The following MROH7 variants were observed in gnomAD, a reference collection of about 807,000 sequenced individuals.
MROH7 encodes the protein maestro heat-like repeat-containing protein family member 7.
Under a neutral mutation model 129.2 loss-of-function variants are expected in MROH7, and 113 were observed. The observed-to-expected ratio is 0.87, with a 90% CI of 0.75 to 1.02. MROH7 has a LOEUF of 1.02. Among genes scored for constraint, MROH7 ranks in the 50% least tolerant of loss-of-function variants. The pLI is 0.00. For missense variants in MROH7, 1,601 were observed against 1,671.3 expected (o/e 0.96, Z 0.73); for synonymous variants, 655 against 667.9 (o/e 0.98, Z 0.30).
intron 21 of MROH7, among the ~76,000 whole-genome samples, chr1:54,704,084 C>T (rs1645488393): frequency 6.6e-6 from 1 of 152,178 alleles, no homozygotes; most frequent in African/African-American, 2.4e-5. Flanking sequence ...ACCAATCTAA[C>T]ATAAATATAC....
chr1:54,650,266 C>T (rs1195879956), intron 1 of MROH7, among the ~76,000 whole-genome samples: 1 of 152,150 alleles, frequency 6.6e-6, no homozygotes, highest in Non-Finnish European at 1.5e-5. Flanking sequence ...CATGTTCACC[C>T]ATACTAGCAA....
intron 13 of MROH7, among the ~76,000 whole-genome samples, chr1:54,680,339 G>T (rs976201731): frequency 6.6e-6 from 1 of 152,212 alleles, no homozygotes; most frequent in African/African-American, 2.4e-5. Flanking sequence ...ATAGAACGGA[G>T]GACCTAAACT....
In MROH7 at chr1:54,695,623, A is replaced by G. The variant is rs1001002458; in HGVS notation, c.2964+133A>G. 6.9e-6 allele frequency: 5 copies of G among 719,492 alleles called. No homozygotes were observed. In the East Asian group the frequency reaches 8.1e-5, roughly 12 times the overall value. 44.6% of individuals were successfully genotyped at this position (719,492 alleles called of 1,614,324 possible). ...CCCATGGGCATGACTTCTCTTGACT[A>G]TGATGATCTTGTTGGTCTCCCTCCC... is the stretch of plus-strand genomic sequence containing the variant. On this transcript the variant is annotated intron_variant, in intron 17 of 23. Coordinates refer to ENST00000421030, the MANE Select transcript of MROH7 (RefSeq NM_001039464.4).
chr1:54,706,535 T>C lies in MROH7; in HGVS notation c.3665T>C (p.Ile1222Thr), dbSNP rs12090399. The C allele has an allele frequency of 2.9e-4, 465 of 1,610,180 alleles. No individual in the cohort carries two copies. The highest frequency in any genetic ancestry group is 2.2e-3 in the African/African-American group (162 of 74,932). Residue 1222 changes from isoleucine to threonine, a missense_variant and splice_region_variant, in exon 22 of 24, where the codon ATA becomes ACA. Ile to Thr is a moderately conservative substitution (Grantham distance 89). Coordinates refer to ENST00000421030, the MANE Select transcript of MROH7 (RefSeq NM_001039464.4). ...CTCCGGAAGTGCTCAGTCATGTTCA[T>C]AGGTAACCTGCCCTGGCATAAGTCA... ...ASLRKCSVMF[I>T]GSLVPCMESI... is the part of the protein sequence containing the mutation.
chr1:54,642,703 C>A (rs1472346997), intron 1 of MROH7, among the ~76,000 whole-genome samples: 2 of 152,156 alleles, frequency 1.3e-5, no homozygotes, highest in African/African-American at 4.8e-5. Flanking sequence ...GCAGCCTCAA[C>A]CTCCCCGGCT....
chr1:54,663,591 C>T (rs1246927701), intron 3 of MROH7, among the ~76,000 whole-genome samples: 1 of 151,588 alleles, frequency 6.6e-6, no homozygotes, highest in African/African-American at 2.4e-5. Flanking sequence ...CCAGGCTGGT[C>T]TCAAACTCCT....
At position 54,653,679 on chromosome 1, in the gene MROH7, T is replaced by C. The variant is rs1644594637; in HGVS notation, c.753T>C (p.Ala251=). Reference sequence around the variant, plus strand: ...ACACAAATGAGACCATCACTTTGGCTTCACATAATATCTCTGAGTCTGTTT... The same window carrying C: ...ACACAAATGAGACCATCACTTTGGCCTCACATAATATCTCTGAGTCTGTTT... ...IPDTNETITL[A]SHNISESVSK... The change falls in exon 3 of 24, where the codon GCT becomes GCC. Residue 251 remains alanine (A), a synonymous_variant. Transcript: ENST00000421030. The C allele has an allele frequency of 1.2e-6, 2 of 1,614,206 alleles. No individual in the cohort carries two copies. Among genetic ancestry groups the C allele is most frequent in the Non-Finnish European group, 1.7e-6 (2 of 1,180,034 alleles).
At chr1:54,690,616 TG>T (rs1180543255) in intron 15 of MROH7, among the ~76,000 whole-genome samples, 2 of 152,100 alleles carry the variant, frequency 1.3e-5, no homozygotes, top group African/African-American at 4.8e-5. Context: ...GCTAATTTTT[TG>T]TATTTTTAGT....
At chr1:54,687,876 T>TTTC (rs1557717932) in intron 15 of MROH7, among the ~76,000 whole-genome samples, 1 of 118,972 alleles carries the variant, frequency 8.4e-6, no homozygotes, top group East Asian at 3.0e-4. Flanking sequence ...TTCTTTCTTT[T>TTTC]TTTTTTTTTT....
In MROH7 at chr1:54,651,724, C is replaced by T. The variant is rs375914388; in HGVS notation, c.-109-225C>T. ...GAGATGGTGTTGGCTGCCCAGAAGGCCAGTGGGGTGAGTGACCTTCCTCTC... is the reference window on the plus strand; with the variant it reads ...GAGATGGTGTTGGCTGCCCAGAAGGTCAGTGGGGTGAGTGACCTTCCTCTC... On this transcript the variant is annotated intron_variant, in intron 1 of 23. Coordinates refer to ENST00000421030, the MANE Select transcript of MROH7 (RefSeq NM_001039464.4). 487 of 151,698 alleles carry T rather than the reference C, an allele frequency of 3.2e-3. 3 individuals carry two copies. The highest frequency in any genetic ancestry group is 0.011 in the African/African-American group (473 of 41,138). 9.4% of individuals were successfully genotyped at this position (151,698 alleles called of 1,614,324 possible).
chr1:54,702,501 A>C (rs1411167093), intron 20 of MROH7, 122 bp from the exon 21 acceptor site: 2 of 1,044,116 alleles, frequency 1.9e-6, no homozygotes, highest in African/African-American at 3.3e-5. Context: ...TAATTAAAAA[A>C]ATTAAAAATG....
At chr1:54,684,792 G>T (rs1569945929) in intron 14 of MROH7, among the ~76,000 whole-genome samples, 1 of 152,174 alleles carries the variant, frequency 6.6e-6, no homozygotes, top group East Asian at 1.9e-4. Flanking sequence ...TCTGTAAAAT[G>T]GGCTATGATA....
chr1:54,677,455 G>T (rs1464456653), intron 10 of MROH7, among the ~76,000 whole-genome samples: 5 of 152,070 alleles, frequency 3.3e-5, no homozygotes, highest in African/African-American at 1.2e-4. Context: ...CAAAAAACCC[G>T]AAGTGTGGGG....
At position 54,656,100 on chromosome 1, in the gene MROH7, G is replaced by A. The variant is rs192505583; in HGVS notation, c.1231+1943G>A. Among the ~76,000 whole-genome samples the A allele has an allele frequency of 4.0e-5, 6 of 151,086 alleles. No homozygotes were observed. The East Asian group carries it at 1.0e-3, about 25-fold the overall frequency. ...GCAGAGACAGGGTTTCACCATGTTG[G>A]CCAGGCTGGTCTTGAATTCCTGACC... is the stretch of plus-strand genomic sequence containing the variant. On this transcript the variant is annotated intron_variant, in intron 3 of 23. Coordinates refer to ENST00000421030, the MANE Select transcript of MROH7 (RefSeq NM_001039464.4).
At chr1:54,681,841 A>T (rs184666716) in intron 13 of MROH7, among the ~76,000 whole-genome samples, 21 of 152,332 alleles carry the variant, frequency 1.4e-4, no homozygotes, top group Non-Finnish European at 2.1e-4. Flanking sequence ...GAATGAGCAC[A>T]GGCTTTGAAG....
At chr1:54,683,187 T>C (rs1050345487) in intron 14 of MROH7, among the ~76,000 whole-genome samples, 2 of 152,184 alleles carry the variant, frequency 1.3e-5, no homozygotes, top group African/African-American at 4.8e-5. Flanking sequence ...TTTAAAAAAA[T>C]CCTACATTAC....
At chr1:54,670,439 G>A (rs373479038) in intron 5 of MROH7, 58 bp from the exon 6 acceptor site, 31 of 1,508,852 alleles carry the variant, frequency 2.1e-5, no homozygotes, top group Non-Finnish European at 2.5e-5. Context: ...GGCAGCCTTG[G>A]CCCTGGTGGC....
intron 14 of MROH7, among the ~76,000 whole-genome samples, chr1:54,685,716 G>A (rs1645137661): frequency 6.6e-6 from 1 of 152,186 alleles, no homozygotes; most frequent in Admixed American, 6.5e-5. Context: ...TCTCTTGGCT[G>A]CTGGCCTCAT....
At chr1:54,692,012 G>C (rs958791480) in intron 15 of MROH7, among the ~76,000 whole-genome samples, 1 of 151,926 alleles carries the variant, frequency 6.6e-6, no homozygotes, top group African/African-American at 2.4e-5. Context: ...CTCGTCAGTT[G>C]GTAGGTCATA....
Sources: allele counts gnomAD v4.1 joint callset (sites outside exome capture counted in the v4.1 genomes callset), GRCh38; gene constraint gnomAD v4.1.1; transcripts MANE v1.5; gene names NCBI Gene and HGNC (gene_info 2026-07-23, HGNC 2026-07-21).